NELL2: variants seen among roughly 807,000 people sequenced by gnomAD.
NELL2 encodes protein kinase C-binding protein NELL2.
NELL2 carries 41 observed loss-of-function variants against 109.6 expected under a neutral mutation model. That is an observed-to-expected ratio of 0.37 (90% CI 0.29 to 0.49). The LOEUF (loss-of-function observed/expected upper bound fraction) is 0.49. NELL2 is among the 20% of genes least tolerant of loss of function. NELL2 has a pLI of 0.98. For synonymous variants in NELL2, 355 were observed against 344.7 expected (o/e 1.03, Z -0.33); for missense variants, 900 against 1,008.3 (o/e 0.89, Z 1.45).
At chr12:44,802,454 G>A (rs769475495) in intron 3 of NELL2, among the ~76,000 whole-genome samples, 22 of 151,724 alleles carry the variant, frequency 1.5e-4, no homozygotes, top group East Asian at 1.9e-4. Flanking sequence ...ATATATATAC[G>A]CTGATCGTGT....
Position 44,695,677 on chromosome 12 carries a change from TG to T in NELL2, c.1318+8048del, listed in dbSNP as rs1949042142. 2.0e-5 allele frequency among the ~76,000 whole-genome samples: 3 copies of T among 152,284 alleles called. No individual in the cohort carries two copies. The South Asian group carries it at 6.2e-4, about 32-fold the overall frequency. ...AACCCCAAATTTACTGTTTGCTGCCTGGGTAAATGATTTTGAAGGAGTCAAA... is the reference window on the plus strand; with the variant it reads ...AACCCCAAATTTACTGTTTGCTGCCTGGTAAATGATTTTGAAGGAGTCAAA... On this transcript the variant is annotated intron_variant, in intron 12 of 19. Coordinates refer to ENST00000429094, the MANE Select transcript of NELL2 (RefSeq NM_001145108.2).
rs78056723 is a variant in NELL2, at chr12:44,776,513, G to A, written c.763-363C>T. Among the ~76,000 whole-genome samples the A allele has an allele frequency of 5.3e-5, 8 of 152,228 alleles. No homozygotes were observed. The East Asian group carries it at 1.5e-3, about 29-fold the overall frequency. On this transcript the variant is annotated intron_variant, in intron 7 of 19. Transcript: ENST00000429094. ...TAAAAAAATAAAATTCAGAATTTAT[G>A]TTGTATAAGAAACAAATCATACACC...
At chr12:44,565,243 T>C (rs916984385) in intron 15 of NELL2, among the ~76,000 whole-genome samples, 4 of 152,308 alleles carry the variant, frequency 2.6e-5, no homozygotes, top group South Asian at 2.1e-4. Flanking sequence ...GTATCAAATT[T>C]GATGCTCAAC....
chr12:44,730,610 C>T (rs1939318136), intron 9 of NELL2, among the ~76,000 whole-genome samples: 1 of 151,782 alleles, frequency 6.6e-6, no homozygotes, highest in Non-Finnish European at 1.5e-5. Flanking sequence ...TCACATAATA[C>T]AATTGATGAA....
intron 3 of NELL2, among the ~76,000 whole-genome samples, chr12:44,791,009 A>G (rs558958824): frequency 1.3e-4 from 18 of 141,938 alleles, no homozygotes; most frequent in Non-Finnish European, 2.6e-4. Flanking sequence ...TCCCAAATTT[A>G]TAAAACAATT....
intron 15 of NELL2, among the ~76,000 whole-genome samples, chr12:44,569,411 G>T (rs962003084): frequency 1.3e-5 from 2 of 152,082 alleles, no homozygotes; most frequent in African/African-American, 4.8e-5. Context: ...TAATGAGATT[G>T]CTGGGTCAAA....
chr12:44,552,790 A>G (rs564334398), intron 15 of NELL2, among the ~76,000 whole-genome samples: 6 of 152,160 alleles, frequency 3.9e-5, no homozygotes, highest in East Asian at 3.9e-4. Flanking sequence ...CTCTCTTTCA[A>G]TGTCTTAAAG....
At chr12:44,785,722 C>A (rs1266454373) in intron 3 of NELL2, among the ~76,000 whole-genome samples, 1 of 152,062 alleles carries the variant, frequency 6.6e-6, no homozygotes, top group African/African-American at 2.4e-5. Flanking sequence ...AGAAATAACA[C>A]CACACATCTA....
intron 11 of NELL2, among the ~76,000 whole-genome samples, chr12:44,709,753 C>T (rs771099076): frequency 2.6e-5 from 4 of 152,128 alleles, no homozygotes; most frequent in Non-Finnish European, 5.9e-5. Context: ...TAATAAGATG[C>T]CTAAGTTAGT....
At chr12:44,918,513 ATGTATG>A (rs1198346720), upstream of NELL2, among the ~76,000 whole-genome samples, 3,039 of 121,384 alleles carry the variant, frequency 0.025, 118 homozygotes, top group African/African-American at 0.086. Context: ...TCATGCATGC[ATGTATG>A]TGTGTGTGTG....
At chr12:44,840,207 G>A (rs1944181265) in intron 2 of NELL2, among the ~76,000 whole-genome samples, 2 of 152,160 alleles carry the variant, frequency 1.3e-5, no homozygotes, top group African/African-American at 4.8e-5. Flanking sequence ...CAGTCCTAAA[G>A]ACCCCAACAA....
chr12:44,746,052 A>G (rs1171506320), intron 9 of NELL2, among the ~76,000 whole-genome samples: 2 of 152,264 alleles, frequency 1.3e-5, no homozygotes, highest in African/African-American at 4.8e-5. Flanking sequence ...AAACTATACT[A>G]CAAGGCTACA....
chr12:44,799,246 C>T (rs1942745377), intron 3 of NELL2, among the ~76,000 whole-genome samples: 1 of 152,058 alleles, frequency 6.6e-6, no homozygotes, highest in African/African-American at 2.4e-5. Flanking sequence ...GTGTGAGACA[C>T]CGTGCCCGGC....
chr12:44,752,588 T>C (rs957148696), intron 9 of NELL2, among the ~76,000 whole-genome samples: 1 of 152,168 alleles, frequency 6.6e-6, no homozygotes, highest in Non-Finnish European at 1.5e-5. Context: ...TCTTAGGAGA[T>C]AAATAAAATT....
intron 13 of NELL2, among the ~76,000 whole-genome samples, chr12:44,630,579 A>G (rs1045447146): frequency 6.6e-6 from 1 of 152,162 alleles, no homozygotes; most frequent in Non-Finnish European, 1.5e-5. Context: ...CACTTTCCAT[A>G]TTCAAGGTTT....
At chr12:44,735,186 T>C (rs1436508937) in intron 9 of NELL2, among the ~76,000 whole-genome samples, 1 of 152,202 alleles carries the variant, frequency 6.6e-6, no homozygotes, top group East Asian at 1.9e-4. Flanking sequence ...ACTTGTATTA[T>C]ATTAACTGTT....
chr12:44,741,334 T>C (rs944114255), intron 9 of NELL2, among the ~76,000 whole-genome samples: 10 of 152,174 alleles, frequency 6.6e-5, no homozygotes, highest in South Asian at 4.1e-4. Context: ...GGAGCCAAGA[T>C]GGCCAAATAG....
chr12:44,762,420 A>G (rs1425164758), intron 9 of NELL2, among the ~76,000 whole-genome samples: 1 of 152,192 alleles, frequency 6.6e-6, no homozygotes, highest in Non-Finnish European at 1.5e-5. Context: ...AAAATATAGT[A>G]CATCCAAAAC....
chr12:44,684,549 G>T (rs1168287797), intron 12 of NELL2, among the ~76,000 whole-genome samples: 1 of 151,954 alleles, frequency 6.6e-6, no homozygotes, highest in Non-Finnish European at 1.5e-5. Context: ...TCTCTTGTGG[G>T]CAATTAGTGT....
Sources: gnomAD v4.1 joint callset for allele counts (sites outside exome capture counted in the v4.1 genomes callset) on GRCh38, gnomAD v4.1.1 for gene constraint, MANE v1.5 for transcripts, NCBI Gene and HGNC (gene_info 2026-07-23, HGNC 2026-07-21) for gene names.